Variants in PLPP4 observed in about 807,000 individuals in gnomAD.
The protein encoded by PLPP4 is phospholipid phosphatase 4.
PLPP4 carries 20 observed loss-of-function variants against 32.2 expected under a neutral mutation model. That is an observed-to-expected ratio of 0.62 (90% CI 0.44 to 0.90). The LOEUF (loss-of-function observed/expected upper bound fraction) is 0.90, where lower values mean the gene tolerates loss of function less well. Among genes scored for constraint, PLPP4 ranks in the 40% least tolerant of loss-of-function variants. PLPP4 has a pLI of 0.00. For synonymous variants in PLPP4, 127 were observed against 133.0 expected (o/e 0.95, Z 0.31); for missense variants, 257 against 353.1 (o/e 0.73, Z 2.18).
chr10:120,489,645 A>T (rs1844620992), intron 1 of PLPP4, among the ~76,000 whole-genome samples: 1 of 152,130 alleles, frequency 6.6e-6, no homozygotes, highest in Admixed American at 6.5e-5. Context: ...GGAGATGCAG[A>T]CTCAAGGTTG....
At chr10:120,488,645 C>G (rs1479863703) in intron 1 of PLPP4, among the ~76,000 whole-genome samples, 1 of 152,212 alleles carries the variant, frequency 6.6e-6, no homozygotes, top group Non-Finnish European at 1.5e-5. Context: ...CTTTTGATCT[C>G]TAGTCCAACA....
At chr10:120,477,142 GATTA>G (rs1450598958) in intron 1 of PLPP4, among the ~76,000 whole-genome samples, 1 of 151,192 alleles carries the variant, frequency 6.6e-6, no homozygotes, top group Non-Finnish European at 1.5e-5. Context: ...GACGAAGCTT[GATTA>G]ATTATCTGTG....
chr10:120,477,087 G>A (rs372020503), intron 1 of PLPP4, among the ~76,000 whole-genome samples: 9 of 152,148 alleles, frequency 5.9e-5, no homozygotes, highest in African/African-American at 1.7e-4. Context: ...TTGGAAAACA[G>A]TGTCTGCCTT....
In PLPP4 at chr10:120,525,417, G is replaced by A. The variant is rs73371229; in HGVS notation, c.445+4322G>A. ...TTGTGGAATACATTTTTTAAATGAC[G>A]GAGAAAGCCTAAAAGGTATGCCTGG... On this transcript the variant is annotated intron_variant, in intron 5 of 6. Coordinates refer to ENST00000398250, the MANE Select transcript of PLPP4 (RefSeq NM_001030059.3). Among the ~76,000 whole-genome samples, 395 of 152,270 alleles carry A rather than the reference G, an allele frequency of 2.6e-3. 2 individuals carry two copies. Among genetic ancestry groups the A allele is most frequent in the African/African-American group, 8.9e-3 (369 of 41,546 alleles).
At chr10:120,555,260 G>T (rs1341042562) in intron 5 of PLPP4, among the ~76,000 whole-genome samples, 1 of 152,152 alleles carries the variant, frequency 6.6e-6, no homozygotes, top group Non-Finnish European at 1.5e-5. Flanking sequence ...ACTGAAAAAA[G>T]ATCGTGTTTG....
chr10:120,482,208 T>C (rs1844238354), intron 1 of PLPP4, among the ~76,000 whole-genome samples: 1 of 151,816 alleles, frequency 6.6e-6, no homozygotes, highest in Admixed American at 6.6e-5. Context: ...CAGGCAGAGG[T>C]TGGAACAGTT....
intron 6 of PLPP4, among the ~76,000 whole-genome samples, chr10:120,581,640 C>T (rs1250798516): frequency 6.6e-6 from 1 of 152,118 alleles, no homozygotes; most frequent in Non-Finnish European, 1.5e-5. Flanking sequence ...CCGTCCCATC[C>T]CACCTCAGAG....
chr10:120,536,436 G>T (rs553990933), intron 5 of PLPP4, among the ~76,000 whole-genome samples: 35 of 152,104 alleles, frequency 2.3e-4, no homozygotes, highest in African/African-American at 8.2e-4. Flanking sequence ...ACACCAGAGG[G>T]AAAAGGTACT....
chr10:120,556,057 A>T (rs1848150335), intron 5 of PLPP4, among the ~76,000 whole-genome samples: 1 of 152,192 alleles, frequency 6.6e-6, no homozygotes, highest in African/African-American at 2.4e-5. Flanking sequence ...CACACACTCC[A>T]TTCTGTGACT....
chr10:120,577,533 C>T (rs955043829), intron 6 of PLPP4, among the ~76,000 whole-genome samples: 4 of 152,112 alleles, frequency 2.6e-5, no homozygotes, highest in Admixed American at 6.6e-5. Flanking sequence ...GCTTTGAAAC[C>T]GTACTATCCA....
rs539513855 is a variant in PLPP4, at chr10:120,514,432, T to A, written c.256+431T>A. On this transcript the variant is annotated intron_variant, in intron 3 of 6. Transcript: ENST00000398250. ...ACCAAACACTGTTGGCTAGAAGCAA[T>A]AATAGGCAAATGCGGGAGTAAAATA... 5.9e-5 allele frequency among the ~76,000 whole-genome samples: 9 copies of A among 152,296 alleles called. No individual in the cohort carries two copies. The South Asian group carries it at 1.9e-3, about 32-fold the overall frequency.
At chr10:120,521,375 A>G (rs1282312241) in intron 5 of PLPP4, among the ~76,000 whole-genome samples, 3 of 152,220 alleles carry the variant, frequency 2.0e-5, no homozygotes, top group Admixed American at 6.5e-5. Context: ...GATTTAGGAC[A>G]AGGGAATTCT....
intron 5 of PLPP4, among the ~76,000 whole-genome samples, chr10:120,521,757 T>C (rs1846165897): frequency 6.6e-6 from 1 of 152,234 alleles, no homozygotes; most frequent in South Asian, 2.1e-4. Context: ...GCCTCCATTA[T>C]TGGTTGGAAT....
chr10:120,563,802 G>A (rs1464934583), intron 5 of PLPP4, among the ~76,000 whole-genome samples: 2 of 29,662 alleles, frequency 6.7e-5, no homozygotes, highest in East Asian at 9.3e-4. Flanking sequence ...GCGAGACTCC[G>A]TCTCAAAAAA....
intron 5 of PLPP4, among the ~76,000 whole-genome samples, chr10:120,523,455 G>A (rs1342526753): frequency 1.3e-5 from 2 of 152,134 alleles, no homozygotes; most frequent in Admixed American, 6.5e-5. Flanking sequence ...TGGAGGCCTT[G>A]TAGTTACCAG....
At chr10:120,583,910 T>G (rs1281103367) in intron 6 of PLPP4, among the ~76,000 whole-genome samples, 9 of 151,936 alleles carry the variant, frequency 5.9e-5, no homozygotes, top group African/African-American at 2.2e-4. Context: ...GGCCACAGAG[T>G]GCATAGATGG....
chr10:120,570,017 C>G (rs1848859354), intron 5 of PLPP4, among the ~76,000 whole-genome samples: 1 of 152,224 alleles, frequency 6.6e-6, no homozygotes, highest in African/African-American at 2.4e-5. Context: ...ATGATTTGTA[C>G]TTTCTGAGCC....
chr10:120,520,766 G>A (rs972788025), intron 4 of PLPP4, among the ~76,000 whole-genome samples: 1 of 152,078 alleles, frequency 6.6e-6, no homozygotes, highest in African/African-American at 2.4e-5. Flanking sequence ...TGGTACATGG[G>A]AGCGCCAACT....
intron 1 of PLPP4, 165 bp from the exon 2 acceptor site, chr10:120,503,653 C>T (rs746365503): frequency 6.3e-7 from 1 of 1,599,182 alleles, no homozygotes; most frequent in Non-Finnish European, 8.5e-7. Flanking sequence ...TCAGTCCTTC[C>T]CAAGCCTTTG....
Sources: allele counts gnomAD v4.1 joint callset (sites outside exome capture counted in the v4.1 genomes callset), GRCh38; gene constraint gnomAD v4.1.1; transcripts MANE v1.5; gene names NCBI Gene and HGNC (gene_info 2026-07-23, HGNC 2026-07-21).